Variants in HTT observed in about 807,000 individuals in gnomAD.
HTT encodes the protein huntingtin.
Under a neutral mutation model 362.3 loss-of-function variants are expected in HTT, and 104 were observed. The ratio of observed to expected loss-of-function variants is 0.29; its 90% CI spans 0.24 to 0.34. HTT has a LOEUF of 0.34. Ranked by LOEUF, HTT falls within the 10% of genes least tolerant of loss-of-function variation. HTT has a pLI of 1.00. For missense variants in HTT, 3,301 were observed against 3,928.6 expected, an observed-to-expected ratio of 0.84 and a Z score of 4.27; for synonymous variants, 1,577 against 1,548.7, an observed-to-expected ratio of 1.02 and a Z score of -0.43.
intron 36 of HTT, 102 bp downstream of exon 36, chr4:3,180,753 GAACC>G: frequency 1.1e-6 from 1 of 946,066 alleles, no homozygotes; most frequent in Non-Finnish European, 1.4e-6. Context: ...GTGTTACTTT[GAACC>G]AGGTTTGGGC....
intron 45 of HTT, 82 bp downstream of exon 45, chr4:3,207,439 C>A: frequency 1.7e-6 from 2 of 1,186,450 alleles, no homozygotes; most frequent in Non-Finnish European, 2.4e-6. Context: ...AATAAATTCA[C>A]AGGACAAGAA....
chr4:3,187,015 C>A (rs1404341620), intron 38 of HTT, among the ~76,000 whole-genome samples: 3 of 149,690 alleles, frequency 2.0e-5, no homozygotes, highest in African/African-American at 7.4e-5. Context: ...CCCACCACCA[C>A]GCCCGGCTAA....
intron 8 of HTT, among the ~76,000 whole-genome samples, chr4:3,119,175 G>A (rs1191459506): frequency 2.6e-5 from 4 of 152,284 alleles, no homozygotes; most frequent in Non-Finnish European, 4.4e-5. Context: ...CGCGTAGTTC[G>A]TATTAGAAAC....
chr4:3,145,272 T>C (rs936063670), intron 24 of HTT, 44 bp downstream of exon 24: 2 of 1,298,282 alleles, frequency 1.5e-6, no homozygotes. Flanking sequence ...TCTACAACAG[T>C]ATGACATAAA....
intron 36 of HTT, chr4:3,180,881 C>CTT (rs1288249776): frequency 1.6e-5 from 3 of 186,274 alleles, no homozygotes; most frequent in Non-Finnish European, 3.2e-5. Flanking sequence ...GGTGTGTATC[C>CTT]TTTTTTTTTT....
At chr4:3,145,308 T>A in intron 24 of HTT, 80 bp downstream of exon 24, 1 of 1,026,434 alleles carries the variant, frequency 9.7e-7, no homozygotes, top group South Asian at 1.4e-5. Context: ...GCCCTTTTTC[T>A]TTCTTTTTAA....
At chr4:3,226,189 C>G (rs1038645365) in intron 57 of HTT, among the ~76,000 whole-genome samples, 1 of 151,882 alleles carries the variant, frequency 6.6e-6, no homozygotes, top group African/African-American at 2.4e-5. Flanking sequence ...TTGGGGGGCT[C>G]CCTGAGTGTC....
chr4:3,080,860 T>C (rs371537882), intron 1 of HTT, among the ~76,000 whole-genome samples: 74 of 152,380 alleles, frequency 4.9e-4, no homozygotes, highest in Middle Eastern at 6.8e-3. Context: ...TCTTTCCCCA[T>C]GGAATTATCT....
intron 26 of HTT, among the ~76,000 whole-genome samples, chr4:3,150,066 A>G (rs925417543): frequency 6.6e-6 from 1 of 152,084 alleles, no homozygotes; most frequent in Non-Finnish European, 1.5e-5. Flanking sequence ...GCCACTCCCC[A>G]GTCACTGGGT....
At position 3,107,266 on chromosome 4, in the gene HTT, C is replaced by A. The variant is rs768698426; in HGVS notation, c.609-19C>A. The A allele has an allele frequency of 2.5e-6, 4 of 1,606,884 alleles. No individual in the cohort carries two copies. The highest frequency in any genetic ancestry group is 3.4e-5 in the Admixed American group (2 of 58,392). On this transcript the variant is annotated intron_variant, in intron 5 of 66. Transcript: ENST00000355072. ...GAAGGAGAGCTGGAAGAATGACTTG[C>A]GTTCTTTTGCATACACAGGCCTTAC...
rs567897957 is a variant in HTT at position 3,125,700 on chromosome 4, G to A, written c.1402+71G>A. ...CTTCCACCCCTTGCCCTTCCTGCTC[G>A]TCCCCCTGCACCTGGTGGACAGCAC... is the stretch of plus-strand genomic sequence containing the variant. On this transcript the variant is annotated intron_variant, in intron 11 of 66. Coordinates refer to ENST00000355072, the MANE Select transcript of HTT (RefSeq NM_001388492.1). The A allele has an allele frequency of 8.1e-4, 918 of 1,129,434 alleles. 1 individual carries two copies. The highest frequency in any genetic ancestry group is 1.1e-3 in the Admixed American group (67 of 58,826). 70.0% of individuals were successfully genotyped at this position (1,129,434 alleles called of 1,614,324 possible).
intron 53 of HTT, among the ~76,000 whole-genome samples, chr4:3,221,500 C>G (rs1181099597): frequency 6.6e-6 from 1 of 152,200 alleles, no homozygotes; most frequent in South Asian, 2.1e-4. Flanking sequence ...TTCCCTGTAA[C>G]GTAAATTGTT....
At chr4:3,209,789 G>T in intron 46 of HTT, 38 bp from the exon 47 acceptor site, 1 of 1,609,638 alleles carries the variant, frequency 6.2e-7, no homozygotes, top group Non-Finnish European at 8.5e-7. Context: ...CTTGAACGCC[G>T]CCCATCATGT....
At chr4:3,174,528 A>T (rs1272818676) in intron 31 of HTT, among the ~76,000 whole-genome samples, 193 bp from the exon 32 acceptor site, 1 of 152,226 alleles carries the variant, frequency 6.6e-6, no homozygotes, top group African/African-American at 2.4e-5. Flanking sequence ...GGCAGCTGTA[A>T]ACTCTAAATA....
rs1384484344 is a variant in HTT, at chr4:3,240,020, G to A, written c.9390G>A (p.Leu3130=). The A allele has an allele frequency of 6.2e-7, 1 of 1,600,264 alleles. No homozygotes were observed. Among genetic ancestry groups the A allele is most frequent in the Admixed American group, 1.7e-5 (1 of 58,334 alleles). The change falls in exon 67 of 67, where the codon CTG becomes CTA. Residue 3130 remains leucine, a synonymous_variant. Transcript: ENST00000355072. ...CAGGAAGCCCATATCACCGGCTGCT[G>A]ACTTGTTTACGAAATGTCCACAAGG... is the stretch of plus-strand genomic sequence containing the variant. ...AAPGSPYHRL[L]TCLRNVHKVT...
Position 3,235,748 on chromosome 4 carries a change from C to G in HTT, c.8755C>G (p.Leu2919Val). The G allele has an allele frequency of 6.2e-7, 1 of 1,611,058 alleles. No individual in the cohort carries two copies. Among genetic ancestry groups the G allele is most frequent in the South Asian group, 1.1e-5 (1 of 91,088 alleles). The change falls in exon 63 of 67, where the codon CTG becomes GTG. Residue 2919 changes from leucine (L) to valine (V), a missense_variant. Around this residue, in one of 4 missense-constraint regions of HTT, gnomAD observed 753 missense variants for 1,021.3 expected, o/e 0.74. Coordinates refer to ENST00000355072, the MANE Select transcript of HTT (RefSeq NM_001388492.1). ...CAGCCCGCACCGGGCCATGGCGGCT[C>G]TGGGCCTGATGCTCACCTGCATGTA... The part of the protein sequence containing the change: ...VHSPHRAMAA[L>V]GLMLTCMYTG...
intron 20 of HTT, 68 bp downstream of exon 20, chr4:3,136,035 G>T: frequency 8.5e-7 from 1 of 1,181,810 alleles, no homozygotes; most frequent in East Asian, 2.4e-5. Context: ...TTTCCTTGTG[G>T]AATTTCTCTA....
chr4:3,172,436 C>T (rs754701810), intron 30 of HTT, 39 bp downstream of exon 30: 26 of 1,341,318 alleles, frequency 1.9e-5, no homozygotes, highest in South Asian at 8.2e-5. Context: ...TTAAGACGTT[C>T]GGGTATGACA....
At chr4:3,223,682 C>T (rs569842378) in intron 55 of HTT, 122 bp downstream of exon 55, 33 of 925,144 alleles carry the variant, frequency 3.6e-5, no homozygotes, top group African/African-American at 6.7e-5. Flanking sequence ...TTGAAAACAC[C>T]GTCCGTGTGG....
Sources: gnomAD v4.1 joint callset for allele counts (sites outside exome capture counted in the v4.1 genomes callset) on GRCh38, gnomAD v4.1.1 for gene constraint, gnomAD v4.1.1 regional missense constraint, MANE v1.5 for transcripts, NCBI Gene and HGNC (gene_info 2026-07-23, HGNC 2026-07-21) for gene names.